The following DLC1 variants were observed in gnomAD, a reference collection of about 807,000 sequenced individuals.
DLC1 encodes the protein rho GTPase-activating protein 7.
Under a neutral mutation model 140.3 loss-of-function variants are expected in DLC1, and 54 were observed. That is an observed-to-expected ratio of 0.38 (90% CI 0.31 to 0.48). The LOEUF (loss-of-function observed/expected upper bound fraction) is 0.48, where lower values mean the gene tolerates loss of function less well. Among genes scored for constraint, DLC1 ranks in the 20% least tolerant of loss-of-function variants. The probability of loss-of-function intolerance (pLI) is 0.96; values close to 1 mark genes in which losing one functional copy is unlikely to be tolerated. For missense variants in DLC1, 2,536 were observed against 1,907.0 expected, an observed-to-expected ratio of 1.33 and a Z score of -6.14; for synonymous variants, 986 against 728.1, an observed-to-expected ratio of 1.35 and a Z score of -5.70.
At chr8:13,274,665 T>C (rs1056114368) in intron 5 of DLC1, among the ~76,000 whole-genome samples, 1 of 152,220 alleles carries the variant, frequency 6.6e-6, no homozygotes, top group Non-Finnish European at 1.5e-5. Flanking sequence ...TCTTAGAGGA[T>C]ATTATTATTC....
chr8:13,212,307 G>T (rs1042571538), intron 5 of DLC1, among the ~76,000 whole-genome samples: 1 of 152,078 alleles, frequency 6.6e-6, no homozygotes, highest in Non-Finnish European at 1.5e-5. Context: ...CACTATGTTA[G>T]GTCCATGTGT....
At chr8:13,292,664 C>T (rs891865941) in intron 5 of DLC1, among the ~76,000 whole-genome samples, 6 of 152,028 alleles carry the variant, frequency 3.9e-5, no homozygotes, top group African/African-American at 9.7e-5. Context: ...TCCCCACGTC[C>T]TACGTACAAG....
intron 5 of DLC1, among the ~76,000 whole-genome samples, chr8:13,157,514 C>T (rs972962562): frequency 1.3e-5 from 2 of 152,140 alleles, no homozygotes; most frequent in Non-Finnish European, 2.9e-5. Context: ...AATAAGAAAT[C>T]TTTGGTAATC....
At position 13,099,770 on chromosome 8, in the gene DLC1, C is replaced by A; in HGVS notation, c.2567G>T (p.Ser856Ile). 1 of 1,614,174 alleles carries A rather than the reference C, an allele frequency of 6.2e-7. No homozygotes were observed. The highest frequency in any genetic ancestry group is 8.5e-7 in the Non-Finnish European group (1 of 1,180,042). The part of the protein sequence containing the change: ...PGHISLRREN[S>I]SDSPKELKRR... ...CTTCAGTTCCTTGGGGCTGTCGCTACTGTTTTCCCTCCTGAGGCTGATGTG... is the reference window on the plus strand; with the variant it reads ...CTTCAGTTCCTTGGGGCTGTCGCTAATGTTTTCCCTCCTGAGGCTGATGTG... Residue 856 changes from serine to isoleucine, a missense_variant, in exon 9 of 18, where the codon AGT becomes ATT. By Grantham distance (142) the Ser-to-Ile change is moderately radical. Coordinates refer to ENST00000276297, the MANE Select transcript of DLC1 (RefSeq NM_182643.3).
intron 2 of DLC1, among the ~76,000 whole-genome samples, chr8:13,488,724 T>C (rs1801091560): frequency 6.6e-6 from 1 of 152,226 alleles, no homozygotes; most frequent in Non-Finnish European, 1.5e-5. Flanking sequence ...AATTAAGATA[T>C]AACTTTACTT....
In DLC1 at chr8:13,347,334, T is replaced by C. The variant is rs115674496; in HGVS notation, c.1315-42032A>G. 1.6e-3 allele frequency among the ~76,000 whole-genome samples: 243 copies of C among 152,346 alleles called. 1 individual carries two copies. Among genetic ancestry groups the C allele is most frequent in the African/African-American group, 5.3e-3 (222 of 41,578 alleles). Reference sequence around the variant, plus strand: ...GTAATAATGGTGATGAATAAAGTTTTATCTACATTTCTGAGGGCCACCTGA... The same window carrying C: ...GTAATAATGGTGATGAATAAAGTTTCATCTACATTTCTGAGGGCCACCTGA... On this transcript the variant is annotated intron_variant, in intron 4 of 17. Coordinates refer to ENST00000276297, the MANE Select transcript of DLC1 (RefSeq NM_182643.3).
chr8:13,150,786 G>C lies in DLC1; in HGVS notation c.1349-35129C>G, dbSNP rs1302818944. ...AGCATAAAATCTCACTGAGGGGTCT[G>C]ATTTCTCAAGATGCTTTCTACAAAC... is the stretch of plus-strand genomic sequence containing the variant. On this transcript the variant is annotated intron_variant, in intron 5 of 17. Transcript: ENST00000276297. Among the ~76,000 whole-genome samples the C allele has an allele frequency of 2.0e-5, 3 of 152,214 alleles. No individual in the cohort carries two copies. In the East Asian group the frequency reaches 5.8e-4, roughly 29 times the overall value.
chr8:13,479,850 G>GGAAAAGAAAGAAAGAA (rs1800621182), intron 2 of DLC1, among the ~76,000 whole-genome samples: 1 of 18,210 alleles, frequency 5.5e-5, no homozygotes, highest in Non-Finnish European at 2.3e-4. Context: ...AGAAGAAGAA[G>GGAAAAGAAAGAAAGAA]AAGAAGAAGA....
At chr8:13,264,052 T>TTTTATTTATTTATTTATTTA (rs3065458) in intron 5 of DLC1, among the ~76,000 whole-genome samples, 6,895 of 143,042 alleles carry the variant, frequency 0.048, 265 homozygotes, top group African/African-American at 0.088. Context: ...ATAAGAAGCT[T>TTTTATTTATTTATTTATTTA]TTTATTTATT....
At position 13,461,752 on chromosome 8, in the gene DLC1, C is replaced by T. The variant is rs559571321; in HGVS notation, c.1023+37297G>A. On this transcript the variant is annotated intron_variant, in intron 2 of 17. Transcript: ENST00000276297. ...GGAACAGATTCAATGACTTACCCAC[C>T]CAGGATCTCACAGCTAAGTAGTGGC... Among the ~76,000 whole-genome samples, 4 of 152,266 alleles carry T rather than the reference C, an allele frequency of 2.6e-5. No individual in the cohort carries two copies. The East Asian group carries it at 7.7e-4, about 29-fold the overall frequency.
At chr8:13,402,906 G>A (rs943298130) in intron 2 of DLC1, among the ~76,000 whole-genome samples, 1 of 152,272 alleles carries the variant, frequency 6.6e-6, no homozygotes, top group Admixed American at 6.5e-5. Flanking sequence ...ATCTTAAACA[G>A]CAAGAGCAGA....
intron 4 of DLC1, among the ~76,000 whole-genome samples, chr8:13,382,245 C>T (rs747299136): frequency 1.3e-5 from 2 of 151,980 alleles, no homozygotes; most frequent in Non-Finnish European, 2.9e-5. Flanking sequence ...CGGTGGCTCA[C>T]GCCTGTAATC....
At chr8:13,194,083 A>G (rs908449294) in intron 5 of DLC1, among the ~76,000 whole-genome samples, 1 of 152,258 alleles carries the variant, frequency 6.6e-6, no homozygotes, top group African/African-American at 2.4e-5. Flanking sequence ...GAAACTTCTC[A>G]GTTCACCAAA....
chr8:13,289,505 T>C (rs1831674186), intron 5 of DLC1, among the ~76,000 whole-genome samples: 1 of 152,154 alleles, frequency 6.6e-6, no homozygotes, highest in Non-Finnish European at 1.5e-5. Flanking sequence ...TGTTCAAATT[T>C]TTTTTTGTAG....
chr8:13,303,797 A>G (rs1314435825), intron 5 of DLC1, among the ~76,000 whole-genome samples: 1 of 152,176 alleles, frequency 6.6e-6, no homozygotes, highest in African/African-American at 2.4e-5. Context: ...GTGAGACTCC[A>G]TCTCAAAAAA....
Position 13,542,576 on chromosome 8 carries a change from G to A in DLC1, c.-125-42380C>T, listed in dbSNP as rs954066430. On this transcript the variant is annotated intron_variant, in intron 1 of 1. Coordinates refer to the DLC1 transcript ENST00000631382. ...TGAAAGAAAGTCTTGGATTTTGATC[G>A]AGATTGATCAAATGTCACCTCAACA... is the stretch of plus-strand genomic sequence containing the variant. Among the ~76,000 whole-genome samples, 7 of 151,930 alleles carry A rather than the reference G, an allele frequency of 4.6e-5. No individual in the cohort carries two copies. In the South Asian group the frequency reaches 1.0e-3, roughly 22 times the overall value.
chr8:13,310,580 A>G (rs904022599), intron 4 of DLC1, among the ~76,000 whole-genome samples: 1 of 152,238 alleles, frequency 6.6e-6, no homozygotes, highest in Non-Finnish European at 1.5e-5. Context: ...TTGGGAAGAC[A>G]TGAAAGACAG....
chr8:13,524,194 G>A (rs1337712996), intron 1 of DLC1, among the ~76,000 whole-genome samples: 1 of 150,232 alleles, frequency 6.7e-6, no homozygotes, highest in Non-Finnish European at 1.5e-5. Context: ...CTGGAGTGCA[G>A]TGGCGCTATC....
rs1491341936 is a variant in DLC1, at chr8:13,453,557, T to TATA, written c.1023+45491_1023+45492insTAT. Reference sequence around the variant, plus strand: ...ATATATACATATATATATATATATATTTTTTTTTTTTTTTTTTCAGATAGA... The same window carrying TATA: ...ATATATACATATATATATATATATATATATTTTTTTTTTTTTTTTTCAGATAGA... On this transcript the variant is annotated intron_variant, in intron 2 of 17. Transcript: ENST00000276297. Among the ~76,000 whole-genome samples, 24 of 24,260 alleles carry TATA rather than the reference T, an allele frequency of 9.9e-4. 1 individual carries two copies. Among genetic ancestry groups the TATA allele is most frequent in the Non-Finnish European group, 1.3e-3 (19 of 14,176 alleles). 15.9% of individuals were successfully genotyped at this position (24,260 alleles called of 152,430 possible).
Sources: allele counts gnomAD v4.1 joint callset (sites outside exome capture counted in the v4.1 genomes callset), GRCh38; gene constraint gnomAD v4.1.1; transcripts MANE v1.5; gene names NCBI Gene and HGNC (gene_info 2026-07-23, HGNC 2026-07-21).